TTC7A: variants seen among roughly 807,000 people sequenced by gnomAD.
TTC7A encodes tetratricopeptide repeat protein 7A.
TTC7A carries 110 observed loss-of-function variants against 103.7 expected under a neutral mutation model. That is an observed-to-expected ratio of 1.06 (90% CI 0.91 to 1.24). The LOEUF is 1.24. Among genes scored for constraint, TTC7A ranks in the 50% most tolerant of loss-of-function variants. The probability of loss-of-function intolerance (pLI) is 0.00; values close to 1 mark genes in which losing one functional copy is unlikely to be tolerated. For missense variants in TTC7A, 1,340 were observed against 1,116.3 expected (o/e 1.20, Z -2.86); for synonymous variants, 521 against 467.9 (o/e 1.11, Z -1.47).
chr2:46,934,448 AG>A (rs1398087072), intron 2 of TTC7A, among the ~76,000 whole-genome samples: 1 of 152,094 alleles, frequency 6.6e-6, no homozygotes, highest in Non-Finnish European at 1.5e-5. Context: ...TAGTAGAGAC[AG>A]GGTTTTGCCA....
intron 2 of TTC7A, among the ~76,000 whole-genome samples, chr2:46,933,413 C>T (rs1669813491): frequency 6.6e-6 from 1 of 152,224 alleles, no homozygotes; most frequent in Non-Finnish European, 1.5e-5. Context: ...CTACTATGTG[C>T]AAGCACAAAG....
At position 47,073,731 on chromosome 2, in the gene TTC7A, G is replaced by C. The variant is rs1210703047; in HGVS notation, c.2385G>C (p.Lys795Asn). The C allele has an allele frequency of 6.2e-7, 1 of 1,613,780 alleles. No homozygotes were observed. Reference sequence around the variant, plus strand: ...TGATGCTGAGTCGGCTGGGCCACAAGAGCTTGGCCCAGAAGGTGCTTCGTG... The same window carrying C: ...TGATGCTGAGTCGGCTGGGCCACAACAGCTTGGCCCAGAAGGTGCTTCGTG... ...LGLMLSRLGH[K>N]SLAQKVLRDA... The change falls in exon 20 of 20, where the codon AAG becomes AAC. Residue 795 changes from lysine to asparagine, a missense_variant. Lys to Asn is a moderately conservative substitution (Grantham distance 94). Transcript: ENST00000319190.
chr2:46,949,511 G>A lies in TTC7A; in HGVS notation c.185-852G>A, dbSNP rs139469177. Among the ~76,000 whole-genome samples, 7 of 152,288 alleles carry A rather than the reference G, an allele frequency of 4.6e-5. No individual in the cohort carries two copies. In the East Asian group the frequency reaches 9.7e-4, roughly 21 times the overall value. ...GGCTCCCAAAGTGCTGGGATTACAG[G>A]TGTGAGCCACTGCGCTCACTAAACC... On this transcript the variant is annotated intron_variant, in intron 1 of 19. Coordinates refer to ENST00000319190, the MANE Select transcript of TTC7A (RefSeq NM_020458.4).
chr2:47,028,109 C>G (rs1373159651), intron 14 of TTC7A, among the ~76,000 whole-genome samples: 1 of 152,056 alleles, frequency 6.6e-6, no homozygotes, highest in East Asian at 1.9e-4. Context: ...ACTCTTGGGA[C>G]CCATCCTGGG....
intron 15 of TTC7A, among the ~76,000 whole-genome samples, chr2:47,036,316 G>A (rs1175056994): frequency 6.6e-6 from 1 of 152,212 alleles, no homozygotes; most frequent in Non-Finnish European, 1.5e-5. Flanking sequence ...CTTTCAGGCT[G>A]TTGATTTTTA....
At chr2:46,945,976 T>G (rs914904693) in intron 1 of TTC7A, among the ~76,000 whole-genome samples, 1 of 152,328 alleles carries the variant, frequency 6.6e-6, no homozygotes, top group African/African-American at 2.4e-5. Flanking sequence ...AGACCAATGT[T>G]TCCTGACTGT....
chr2:47,013,423 G>A (rs1047175965), intron 11 of TTC7A, among the ~76,000 whole-genome samples: 1 of 152,130 alleles, frequency 6.6e-6, no homozygotes, highest in African/African-American at 2.4e-5. Flanking sequence ...TGGGCTCCCC[G>A]ACCCCAACTC....
intron 15 of TTC7A, among the ~76,000 whole-genome samples, chr2:47,033,265 C>G (rs977334620): frequency 2.0e-5 from 3 of 152,240 alleles, no homozygotes; most frequent in African/African-American, 4.8e-5. Context: ...AAACCAAACT[C>G]CCTTTGTCCT....
rs374683752 is a variant in TTC7A, at chr2:46,993,588, A to G, written c.843+60A>G. ...GGAGTCAGCTTTGGTGGGAGACAAC[A>G]GAAGTCCTTGCAGGGAGCCTGTGAA... On this transcript the variant is annotated intron_variant, in intron 6 of 19. Coordinates refer to ENST00000319190, the MANE Select transcript of TTC7A (RefSeq NM_020458.4). 5.2e-5 allele frequency: 80 copies of G among 1,532,178 alleles called. 1 individual carries two copies. The highest frequency in any genetic ancestry group is 2.7e-4 in the East Asian group (12 of 44,496). 94.9% of individuals were successfully genotyped at this position (1,532,178 alleles called of 1,614,324 possible).
In TTC7A at chr2:46,958,562, C is replaced by T. The variant is rs755764062; in HGVS notation, c.517+1555C>T. 76 of 1,301,434 alleles carry T rather than the reference C, an allele frequency of 5.8e-5. 1 individual carries two copies. The highest frequency in any genetic ancestry group is 2.8e-4 in the Admixed American group (12 of 42,774). 80.6% of individuals were successfully genotyped at this position (1,301,434 alleles called of 1,614,324 possible). A position where few individuals can be genotyped will look rare whatever the true frequency, so the allele number is the denominator to read the frequency against. The stretch of plus-strand genomic sequence containing the variant: ...AGGTCCTGCAGGGGAGGTAAGGAGA[C>T]GGGCGCTGCCGGCGCGGGCTGCTTG... On this transcript the variant is annotated intron_variant, in intron 3 of 19. Coordinates refer to ENST00000319190, the MANE Select transcript of TTC7A (RefSeq NM_020458.4).
chr2:46,935,505 G>A (rs1261354662), intron 2 of TTC7A, among the ~76,000 whole-genome samples: 1 of 152,168 alleles, frequency 6.6e-6, no homozygotes, highest in Non-Finnish European at 1.5e-5. Context: ...ACTCTGTCAG[G>A]GTAGTGTTCT....
intron 2 of TTC7A, among the ~76,000 whole-genome samples, chr2:46,928,845 G>T (rs71423929): frequency 0.06 from 9,102 of 152,182 alleles, 470 homozygotes; most frequent in African/African-American, 0.13. Context: ...AGAGGGGTAG[G>T]GGGGGAAGCT....
Position 47,075,320 on chromosome 2 carries a change from T to A in TTC7A, c.*1397T>A, listed in dbSNP as rs1197385617. The A allele has an allele frequency of 6.6e-6, 1 of 152,214 alleles. No homozygotes were observed. The highest frequency in any genetic ancestry group is 2.4e-5 in the African/African-American group (1 of 41,462). The allele number at this position is 152,214 out of a possible 1,614,324, so 9.4% of individuals were successfully genotyped here. A position where few individuals can be genotyped will look rare whatever the true frequency, so the allele number is the denominator to read the frequency against. Reference sequence around the variant, plus strand: ...AAATATAGTTTTTTATCTATATATATAAAATAGAGATCTATTTTTTTTCTG... The same window carrying A: ...AAATATAGTTTTTTATCTATATATAAAAAATAGAGATCTATTTTTTTTCTG... On this transcript the variant is annotated 3_prime_UTR_variant, in exon 20 of 20. Coordinates refer to ENST00000319190, the MANE Select transcript of TTC7A (RefSeq NM_020458.4).
chr2:47,002,264 G>A (rs1030845201), intron 8 of TTC7A, among the ~76,000 whole-genome samples: 4 of 152,208 alleles, frequency 2.6e-5, no homozygotes, highest in African/African-American at 9.7e-5. Context: ...CCCCAGCGCT[G>A]GGCAGCCTTG....
In TTC7A at chr2:46,941,789, A is replaced by G; in HGVS notation, c.184+64A>G. 1 of 1,542,006 alleles carries G rather than the reference A, an allele frequency of 6.5e-7. No individual in the cohort carries two copies. Among genetic ancestry groups the G allele is most frequent in the East Asian group, 2.5e-5 (1 of 40,792 alleles). On this transcript the variant is annotated intron_variant, in intron 1 of 19. Transcript: ENST00000319190. The surrounding 1 kb of genome is among the most constrained non-coding windows in gnomAD (Gnocchi z 4.2). Reference sequence around the variant, plus strand: ...CGCGAAACGCACCGCCTCCTCCAGGAAGCGCGCCCAGACAGTCCTCGGCCG... The same window carrying G: ...CGCGAAACGCACCGCCTCCTCCAGGGAGCGCGCCCAGACAGTCCTCGGCCG...
chr2:47,056,722 G>T (rs1362698027), intron 18 of TTC7A, among the ~76,000 whole-genome samples: 1 of 152,232 alleles, frequency 6.6e-6, no homozygotes, highest in Non-Finnish European at 1.5e-5. Flanking sequence ...AGGAGAGGGG[G>T]TGGAGAGAGA....
intron 1 of TTC7A, chr2:46,917,090 C>T: frequency 1.5e-6 from 1 of 684,688 alleles, no homozygotes; most frequent in South Asian, 1.6e-5. Context: ...TTGACGGTCT[C>T]ATTCCTTTTC....
upstream of TTC7A, among the ~76,000 whole-genome samples, chr2:46,940,705 C>G (rs1014468574): frequency 6.6e-6 from 1 of 152,238 alleles, no homozygotes; most frequent in African/African-American, 2.4e-5. The surrounding 1 kb of genome is among the most constrained non-coding windows in gnomAD (Gnocchi z 4.7). Context: ...AATACAAATG[C>G]TCCCAGCAGA....
intron 2 of TTC7A, among the ~76,000 whole-genome samples, chr2:46,927,692 G>A (rs1043507874): frequency 5.3e-5 from 8 of 151,854 alleles, no homozygotes; most frequent in Non-Finnish European, 7.4e-5. Flanking sequence ...AGCAACAGAC[G>A]GCTGACTTCT....
Sources: gnomAD v4.1 joint callset for allele counts (sites outside exome capture counted in the v4.1 genomes callset) on GRCh38, gnomAD v4.1.1 for gene constraint, Gnocchi (gnomAD v3.1) non-coding constraint, MANE v1.5 for transcripts, NCBI Gene and HGNC (gene_info 2026-07-23, HGNC 2026-07-21) for gene names.